The following TNNI3K variants were observed in gnomAD, a reference collection of about 807,000 sequenced individuals.
The protein encoded by TNNI3K is TNNI3 interacting kinase, also known as serine/threonine-protein kinase TNNI3K.
TNNI3K carries 140 observed loss-of-function variants against 114.5 expected under a neutral mutation model. The ratio of observed to expected loss-of-function variants is 1.22; its 90% CI spans 1.07 to 1.41. The LOEUF (loss-of-function observed/expected upper bound fraction) is 1.41, where lower values mean the gene tolerates loss of function less well. Among genes scored for constraint, TNNI3K ranks in the 40% most tolerant of loss-of-function variants. The pLI is 0.00. For missense variants in TNNI3K, 1,125 were observed against 1,007.6 expected (o/e 1.12, Z -1.58); for synonymous variants, 347 against 347.5 (o/e 1.00, Z 0.02).
chr1:74,305,969 C>T (rs1658610336), intron 5 of TNNI3K, among the ~76,000 whole-genome samples: 1 of 152,002 alleles, frequency 6.6e-6, no homozygotes, highest in Non-Finnish European at 1.5e-5. Context: ...AATCCATCAC[C>T]CAAAAAGTGA....
At chr1:74,405,750 G>C (rs1428617599) in intron 17 of TNNI3K, among the ~76,000 whole-genome samples, 1 of 152,094 alleles carries the variant, frequency 6.6e-6, no homozygotes, top group Non-Finnish European at 1.5e-5. Context: ...TCAACTACTG[G>C]GCTCCCTGTA....
At chr1:74,441,799 T>C (rs1666385571) in intron 20 of TNNI3K, among the ~76,000 whole-genome samples, 1 of 152,156 alleles carries the variant, frequency 6.6e-6, no homozygotes, top group Non-Finnish European at 1.5e-5. Flanking sequence ...GTGAAATGTT[T>C]GTTTAAATAG....
chr1:74,401,698 C>T (rs1570576432), intron 17 of TNNI3K: 1 of 356,416 alleles, frequency 2.8e-6, no homozygotes, highest in East Asian at 8.7e-5. Flanking sequence ...CAGCTTAACA[C>T]AGAGAAAATA....
At chr1:74,531,090 A>G (rs1002284272) in intron 23 of TNNI3K, among the ~76,000 whole-genome samples, 2 of 152,200 alleles carry the variant, frequency 1.3e-5, no homozygotes, top group African/African-American at 4.8e-5. Context: ...CCTGGTTGCC[A>G]AGTCTTTCAG....
chr1:74,480,377 C>G, intron 21 of TNNI3K: 1 of 717,588 alleles, frequency 1.4e-6, no homozygotes, highest in South Asian at 1.5e-5. Context: ...TCTTAAAAAC[C>G]GAGCAAGGGG....
At chr1:74,489,927 G>A (rs1292385724) in intron 22 of TNNI3K, among the ~76,000 whole-genome samples, 4 of 151,866 alleles carry the variant, frequency 2.6e-5, no homozygotes, top group Admixed American at 6.6e-5. Context: ...ATCACACATA[G>A]AGGATCATAT....
chr1:74,363,293 C>T (rs768277993), intron 11 of TNNI3K, among the ~76,000 whole-genome samples: 1 of 151,958 alleles, frequency 6.6e-6, no homozygotes, highest in Non-Finnish European at 1.5e-5. Context: ...GAAAATTTCC[C>T]ATACGTGGGT....
chr1:74,332,367 C>A (rs1364727089), intron 6 of TNNI3K, among the ~76,000 whole-genome samples: 3 of 150,810 alleles, frequency 2.0e-5, no homozygotes, highest in Non-Finnish European at 2.9e-5. Flanking sequence ...GTGGCTCGAT[C>A]TCGGCTCACT....
At chr1:74,509,697 T>C (rs17095483) in intron 23 of TNNI3K, among the ~76,000 whole-genome samples, 12,680 of 151,182 alleles carry the variant, frequency 0.084, 1,292 homozygotes, top group African/African-American at 0.25. Flanking sequence ...TTGTGTTTGA[T>C]TTTGAAAGGT....
At chr1:74,299,048 T>C (rs1194698072) in intron 5 of TNNI3K, among the ~76,000 whole-genome samples, 1 of 152,138 alleles carries the variant, frequency 6.6e-6, no homozygotes, top group Non-Finnish European at 1.5e-5. Flanking sequence ...AATTAAGACT[T>C]GATATTCTTC....
At chr1:74,472,074 TA>T (rs1056743169) in intron 21 of TNNI3K, 44 of 717,010 alleles carry the variant, frequency 6.1e-5, no homozygotes, top group Non-Finnish European at 1.0e-4. Flanking sequence ...TATGAGGGTG[TA>T]AGCCATTGTC....
chr1:74,350,621 A>C (rs146579853), intron 9 of TNNI3K, among the ~76,000 whole-genome samples: 9,503 of 152,070 alleles, frequency 0.062, 385 homozygotes, highest in South Asian at 0.12. Context: ...GTAGGTCACT[A>C]AGGACTTGCT....
chr1:74,306,852 C>T (rs1658674031), intron 5 of TNNI3K, among the ~76,000 whole-genome samples: 1 of 152,060 alleles, frequency 6.6e-6, no homozygotes, highest in Non-Finnish European at 1.5e-5. Context: ...TGTGTAGAAG[C>T]TCTTTAGTTT....
intron 23 of TNNI3K, among the ~76,000 whole-genome samples, chr1:74,519,860 C>T (rs956491773): frequency 3.3e-5 from 5 of 152,102 alleles, no homozygotes; most frequent in African/African-American, 1.2e-4. Flanking sequence ...GTCCCTGTGG[C>T]AGTGTGGGTG....
At chr1:74,284,030 T>C (rs1243837336) in intron 5 of TNNI3K, among the ~76,000 whole-genome samples, 1 of 152,148 alleles carries the variant, frequency 6.6e-6, no homozygotes, top group African/African-American at 2.4e-5. Flanking sequence ...TCCTCAGAGT[T>C]TGGAAACCTC....
intron 9 of TNNI3K, among the ~76,000 whole-genome samples, chr1:74,344,172 T>C (rs1182368795): frequency 2.0e-5 from 3 of 152,200 alleles, no homozygotes; most frequent in Non-Finnish European, 4.4e-5. Context: ...AAATTTCACA[T>C]ACATTTCCAG....
In TNNI3K at chr1:74,369,050, T is replaced by C; in HGVS notation, c.1350T>C (p.Ala450=). 1.2e-6 allele frequency: 2 copies of C among 1,608,906 alleles called. No individual in the cohort carries two copies. Among genetic ancestry groups the C allele is most frequent in the Non-Finnish European group, 1.7e-6 (2 of 1,177,962 alleles). Residue 450 remains alanine (A), a synonymous_variant, in exon 14 of 25, where the codon GCT becomes GCC. Coordinates refer to ENST00000326637, the MANE Select transcript of TNNI3K (RefSeq NM_015978.3). ...AGGCAGATATTCTCCTCCTAAGAGC[T>C]GGATTGCCTTCACATTTCCATCTTC... The part of the protein sequence containing the change: ...KEKADILLLR[A]GLPSHFHLQL...
intron 21 of TNNI3K, among the ~76,000 whole-genome samples, chr1:74,479,909 T>C (rs1668394928): frequency 6.6e-6 from 1 of 152,238 alleles, no homozygotes. Flanking sequence ...CCAATGCTAT[T>C]TATACCAGGG....
intron 21 of TNNI3K, chr1:74,475,604 C>A: frequency 1.4e-6 from 1 of 717,260 alleles, no homozygotes; most frequent in Non-Finnish European, 2.6e-6. Context: ...TTTCTGGACC[C>A]CACAGTGGAC....
Sources: gnomAD v4.1 joint callset for allele counts (sites outside exome capture counted in the v4.1 genomes callset) on GRCh38, gnomAD v4.1.1 for gene constraint, MANE v1.5 for transcripts, NCBI Gene and HGNC (gene_info 2026-07-23, HGNC 2026-07-21) for gene names.